Variants in PDE4D observed in about 807,000 individuals in gnomAD.
The protein encoded by PDE4D is 3',5'-cyclic-AMP phosphodiesterase 4D.
A neutral mutation model predicts 87.4 loss-of-function variants in PDE4D; 24 were observed. The ratio of observed to expected loss-of-function variants is 0.27; its 90% CI spans 0.20 to 0.39. The LOEUF is 0.39. PDE4D is among the 10% of genes least tolerant of loss of function. The probability of loss-of-function intolerance (pLI) is 1.00; values close to 1 mark genes in which losing one functional copy is unlikely to be tolerated. For missense variants in PDE4D, 714 were observed against 1,041.0 expected (o/e 0.69, Z 4.32); for synonymous variants, 384 against 383.2 (o/e 1.00, Z -0.02).
At chr5:60,210,537 C>T (rs1220111420) in intron 1 of PDE4D, among the ~76,000 whole-genome samples, 1 of 152,034 alleles carries the variant, frequency 6.6e-6, no homozygotes, top group African/African-American at 2.4e-5. Flanking sequence ...CAGACCAACT[C>T]CTTGCTTATT....
chr5:59,213,864 G>T (rs1429920534), intron 2 of PDE4D, among the ~76,000 whole-genome samples: 1 of 151,918 alleles, frequency 6.6e-6, no homozygotes, highest in African/African-American at 2.4e-5. Context: ...GCCTTATCAT[G>T]TACAAACCAA....
intron 2 of PDE4D, among the ~76,000 whole-genome samples, chr5:60,168,015 G>A (rs1185392437): frequency 6.6e-6 from 1 of 152,156 alleles, no homozygotes; most frequent in Non-Finnish European, 1.5e-5. Flanking sequence ...CAGACCTACT[G>A]GCATGATCCC....
At chr5:59,587,131 C>T in intron 1 of PDE4D, 1 of 372,764 alleles carries the variant, frequency 2.7e-6, no homozygotes, top group Non-Finnish European at 3.7e-6. Context: ...TTCATTTCTG[C>T]TGCCTAACCC....
intron 3 of PDE4D, among the ~76,000 whole-genome samples, chr5:59,946,187 T>C (rs1257258935): frequency 6.6e-6 from 1 of 152,226 alleles, no homozygotes; most frequent in African/African-American, 2.4e-5. Context: ...CCAATTTATC[T>C]ATCTCTGTCA....
At chr5:60,220,242 G>T (rs1282243929) in intron 1 of PDE4D, among the ~76,000 whole-genome samples, 1 of 152,146 alleles carries the variant, frequency 6.6e-6, no homozygotes, top group East Asian at 1.9e-4. Context: ...CATGAAAAAG[G>T]TAAAGGACTC....
intron 2 of PDE4D, among the ~76,000 whole-genome samples, chr5:60,041,756 T>C (rs890683186): frequency 1.3e-5 from 2 of 152,168 alleles, no homozygotes; most frequent in African/African-American, 2.4e-5. Context: ...CTGTGAGGAA[T>C]GGTGCATTCC....
intron 1 of PDE4D, among the ~76,000 whole-genome samples, chr5:60,188,104 T>C (rs1461531818): frequency 6.6e-6 from 1 of 152,204 alleles, no homozygotes; most frequent in Admixed American, 6.5e-5. Context: ...CTATAAGTGC[T>C]AACCTCTCTC....
At chr5:60,253,154 G>A (rs772729994) in intron 1 of PDE4D, among the ~76,000 whole-genome samples, 7 of 151,918 alleles carry the variant, frequency 4.6e-5, no homozygotes, top group Non-Finnish European at 7.4e-5. Context: ...AGGAGCCCAC[G>A]GTTCTGCTGA....
At chr5:60,066,435 T>C (rs374128631) in intron 2 of PDE4D, among the ~76,000 whole-genome samples, 7 of 152,214 alleles carry the variant, frequency 4.6e-5, no homozygotes, top group African/African-American at 1.7e-4. Flanking sequence ...TAGTAGACTT[T>C]TTACAACCAA....
chr5:59,137,918 T>C (rs1467623295), intron 5 of PDE4D, among the ~76,000 whole-genome samples: 2 of 152,252 alleles, frequency 1.3e-5, no homozygotes, highest in East Asian at 3.8e-4. Flanking sequence ...TCTGACACTT[T>C]CTATGTGACT....
At chr5:59,923,362 A>G (rs1017697999) in intron 3 of PDE4D, among the ~76,000 whole-genome samples, 10 of 152,168 alleles carry the variant, frequency 6.6e-5, no homozygotes, top group African/African-American at 2.4e-4. Flanking sequence ...TTGAGCAAAC[A>G]TATGCAGTAG....
rs1379751030 is a variant in PDE4D, at chr5:60,136,367, A to G, written c.42+49190T>C. Among the ~76,000 whole-genome samples, 3 of 150,760 alleles carry G rather than the reference A, an allele frequency of 2.0e-5. No homozygotes were observed. The Admixed American group carries it at 2.0e-4, about 10-fold the overall frequency. Reference sequence around the variant, plus strand: ...AGTCTTGCTCTGTTGTCCAGGCTGGAGTGCACTGGCATGATCTCAGCTCAC... The same window carrying G: ...AGTCTTGCTCTGTTGTCCAGGCTGGGGTGCACTGGCATGATCTCAGCTCAC... On this transcript the variant is annotated intron_variant, in intron 2 of 16. Transcript: ENST00000502484.
intron 5 of PDE4D, among the ~76,000 whole-genome samples, chr5:59,060,951 AC>A (rs1220540255): frequency 6.6e-6 from 1 of 152,160 alleles, no homozygotes; most frequent in African/African-American, 2.4e-5. Context: ...ATGAAGAATA[AC>A]ACTGCTTCCA....
chr5:59,401,058 C>T (rs1379669391), intron 1 of PDE4D, among the ~76,000 whole-genome samples: 1 of 152,186 alleles, frequency 6.6e-6, no homozygotes, highest in African/African-American at 2.4e-5. Context: ...GTTCAGTGTA[C>T]ACAAACTTTG....
At chr5:60,157,700 CCTAGATTT>C (rs1282756086) in intron 2 of PDE4D, among the ~76,000 whole-genome samples, 7 of 152,126 alleles carry the variant, frequency 4.6e-5, no homozygotes. Context: ...TCTTAAACTT[CCTAGATTT>C]CATGGTCTTT....
At chr5:59,861,489 C>T (rs899005172) in intron 1 of PDE4D, among the ~76,000 whole-genome samples, 1 of 152,180 alleles carries the variant, frequency 6.6e-6, no homozygotes, top group Non-Finnish European at 1.5e-5. Context: ...CCCCAAACTA[C>T]CAGTTCAGTT....
At chr5:59,876,493 A>C (rs1012740162) in intron 1 of PDE4D, among the ~76,000 whole-genome samples, 1 of 152,100 alleles carries the variant, frequency 6.6e-6, no homozygotes, top group Non-Finnish European at 1.5e-5. Flanking sequence ...CCTTTTTCTA[A>C]TTGATTGCTA....
intron 3 of PDE4D, among the ~76,000 whole-genome samples, chr5:59,969,758 T>A (rs866694285): frequency 1.3e-5 from 2 of 152,174 alleles, no homozygotes; most frequent in Non-Finnish European, 1.5e-5. Flanking sequence ...TGCTCTGCAG[T>A]TCTCCTTGCT....
intron 1 of PDE4D, among the ~76,000 whole-genome samples, chr5:59,440,169 T>C (rs1797386781): frequency 6.6e-6 from 1 of 152,230 alleles, no homozygotes; most frequent in South Asian, 2.1e-4. Flanking sequence ...AATTGTGATT[T>C]AGCAGTCACT....
Sources: allele counts gnomAD v4.1 joint callset (sites outside exome capture counted in the v4.1 genomes callset), GRCh38; gene constraint gnomAD v4.1.1; transcripts MANE v1.5; gene names NCBI Gene and HGNC (gene_info 2026-07-23, HGNC 2026-07-21).